The following LRRC27 variants were observed in gnomAD, a reference collection of about 807,000 sequenced individuals.
The protein encoded by LRRC27 is leucine rich repeat containing 27, also known as leucine-rich repeat-containing protein 27.
In LRRC27, 57 loss-of-function variants were observed where a neutral mutation model predicts 55.0. The observed-to-expected ratio is 1.04, with a 90% CI of 0.84 to 1.29. The LOEUF (loss-of-function observed/expected upper bound fraction) is 1.29. LRRC27 is among the 50% of genes most tolerant of loss of function. The pLI, the probability that LRRC27 is intolerant of heterozygous loss-of-function variation, is 0.00. For synonymous variants in LRRC27, 278 were observed against 251.9 expected (o/e 1.10, Z -0.98); for missense variants, 721 against 651.5 (o/e 1.11, Z -1.16).
At chr10:132,349,966 TAAG>T (rs1434994090) in intron 6 of LRRC27, among the ~76,000 whole-genome samples, 1 of 152,166 alleles carries the variant, frequency 6.6e-6, no homozygotes, top group African/African-American at 2.4e-5. Flanking sequence ...TCACAGGTAT[TAAG>T]AAGAAGCTCT....
chr10:132,358,861 G>A (rs1245703215), intron 8 of LRRC27, among the ~76,000 whole-genome samples: 1 of 1,028 alleles, frequency 9.7e-4, no homozygotes, highest in African/African-American at 2.9e-3. Context: ...GGGAGGAGCC[G>A]AGGTGGTGGA....
intron 9 of LRRC27, among the ~76,000 whole-genome samples, chr10:132,364,253 CTGAG>C (rs371099455): frequency 2.0e-4 from 30 of 151,656 alleles, no homozygotes; most frequent in South Asian, 1.2e-3. Flanking sequence ...TTCGGAGAGG[CTGAG>C]TGAGACTGTG....
chr10:132,344,806 C>T (rs550567786), intron 5 of LRRC27, 156 bp downstream of exon 5: 63 of 659,744 alleles, frequency 9.5e-5, no homozygotes, highest in South Asian at 6.8e-4. Flanking sequence ...GATCTCAGGC[C>T]GACCCAGTCA....
At chr10:132,351,863 C>G (rs1318386108) in intron 7 of LRRC27, 110 bp downstream of exon 7, 2 of 1,232,504 alleles carry the variant, frequency 1.6e-6, no homozygotes, top group South Asian at 1.5e-5. Flanking sequence ...TAGTTCTCCC[C>G]TCACTGATGC....
chr10:132,332,784 T>C (rs893575274), intron 1 of LRRC27, among the ~76,000 whole-genome samples: 3 of 152,134 alleles, frequency 2.0e-5, no homozygotes, highest in African/African-American at 7.2e-5. Context: ...GCGCCTCATA[T>C]GCCAATCATT....
chr10:132,374,728 C>T lies in LRRC27; in HGVS notation c.1417-338C>T, dbSNP rs562280378. 2.0e-4 allele frequency among the ~76,000 whole-genome samples: 30 copies of T among 152,294 alleles called. No homozygotes were observed. In the South Asian group the frequency reaches 6.2e-3, roughly 32 times the overall value. On this transcript the variant is annotated intron_variant, in intron 10 of 10. Coordinates refer to ENST00000368614, the MANE Select transcript of LRRC27 (RefSeq NM_030626.3). The surrounding 1 kb of genome is among the most constrained non-coding windows in gnomAD (Gnocchi z 4.4). ...ATCAGCCTTCCCTTTGCCCACAGGA[C>T]GATGCCCTGAGTCTCTGTTCATCCA...
intron 3 of LRRC27, among the ~76,000 whole-genome samples, chr10:132,338,265 G>T (rs1184292790): frequency 3.9e-5 from 6 of 152,110 alleles, no homozygotes; most frequent in Admixed American, 3.9e-4. Flanking sequence ...GCAGTGAGCT[G>T]AGATCACACC....
upstream of LRRC27, chr10:132,332,138 C>G (rs2066799055): frequency 5.7e-6 from 1 of 176,520 alleles, no homozygotes; most frequent in Non-Finnish European, 1.2e-5. Context: ...AGCGTGGCGC[C>G]TGCGGGATTC....
intron 8 of LRRC27, among the ~76,000 whole-genome samples, chr10:132,357,480 G>A (rs138089303): frequency 8.5e-5 from 13 of 152,340 alleles, no homozygotes; most frequent in Admixed American, 5.2e-4. Context: ...CTCTGTGGCC[G>A]ACAGAAGGGT....
intron 3 of LRRC27, among the ~76,000 whole-genome samples, chr10:132,338,014 T>G (rs2067215639): frequency 6.6e-6 from 1 of 152,206 alleles, no homozygotes; most frequent in African/African-American, 2.4e-5. Context: ...ATACCTCTGA[T>G]GAGTTAAACC....
At position 132,364,569 on chromosome 10, in the gene LRRC27, G is replaced by GCTTACATCTACC. The variant is rs1564854110; in HGVS notation, c.1290-855_1290-854insCTTACATCTACC. On this transcript the variant is annotated intron_variant, in intron 9 of 10. Transcript: ENST00000368614. The stretch of plus-strand genomic sequence containing the variant: ...CCTCCACACCCACACTTACACCCAC[G>GCTTACATCTACC]TCCACACCCTGGGGCCCCACACTCA... Among the ~76,000 whole-genome samples the GCTTACATCTACC allele has an allele frequency of 2.3e-3, 14 of 6,006 alleles. 2 individuals are homozygous for GCTTACATCTACC. Among genetic ancestry groups the GCTTACATCTACC allele is most frequent in the Non-Finnish European group, 2.9e-3 (8 of 2,770 alleles). The allele number at this position is 6,006 out of a possible 152,430, so 3.9% of individuals were successfully genotyped here.
At chr10:132,364,517 T>TCACACCCACCCACACTTACACCCA (rs1564853878) in intron 9 of LRRC27, among the ~76,000 whole-genome samples, 3 of 8,178 alleles carry the variant, frequency 3.7e-4, no homozygotes, top group Admixed American at 1.7e-3. Flanking sequence ...ACCTCCACAC[T>TCACACCCACCCACACTTACACCCA]CGCACTTACA....
In LRRC27 at chr10:132,338,715, T is replaced by A. The variant is rs555807961; in HGVS notation, c.341+1020T>A. The stretch of plus-strand genomic sequence containing the variant: ...TCTTTTTCTTTTCTTTCTTTCTTTT[T>A]TTTTTTTTTTTTGAGACGGAATCTT... On this transcript the variant is annotated intron_variant, in intron 3 of 10. Transcript: ENST00000368614. Among the ~76,000 whole-genome samples, 874 of 150,148 alleles carry A rather than the reference T, an allele frequency of 5.8e-3. 8 individuals carry two copies. Among genetic ancestry groups the A allele is most frequent in the African/African-American group, 0.02 (828 of 41,000 alleles).
chr10:132,354,965 C>T (rs570124946), intron 7 of LRRC27, among the ~76,000 whole-genome samples: 5 of 152,326 alleles, frequency 3.3e-5, no homozygotes, highest in South Asian at 4.1e-4. Flanking sequence ...CCCGCCCAGC[C>T]GCAGATGTGG....
At chr10:132,354,805 A>G (rs1354272291) in intron 7 of LRRC27, among the ~76,000 whole-genome samples, 1 of 152,094 alleles carries the variant, frequency 6.6e-6, no homozygotes, top group Non-Finnish European at 1.5e-5. Context: ...TGGGAGAAAC[A>G]AGAGGAGGCC....
At chr10:132,364,729 C>CGCTT (rs1564854744) in intron 9 of LRRC27, among the ~76,000 whole-genome samples, 7 of 105,804 alleles carry the variant, frequency 6.6e-5, no homozygotes, top group African/African-American at 1.6e-4. Flanking sequence ...TCCGCGTCCA[C>CGCTT]ACTTACATCT....
chr10:132,367,405 C>T (rs749097190), intron 10 of LRRC27, among the ~76,000 whole-genome samples: 3 of 152,134 alleles, frequency 2.0e-5, no homozygotes, highest in Non-Finnish European at 4.4e-5. Context: ...TTCTCTGAGG[C>T]CAGCATTACT....
At chr10:132,341,199 G>A (rs2067396678) in intron 3 of LRRC27, among the ~76,000 whole-genome samples, 1 of 151,948 alleles carries the variant, frequency 6.6e-6, no homozygotes, top group Non-Finnish European at 1.5e-5. Context: ...CAGGCGTGGT[G>A]GCACACACCA....
At chr10:132,352,961 C>T (rs756273309) in intron 7 of LRRC27, 1 of 1,613,846 alleles carries the variant, frequency 6.2e-7, no homozygotes, top group Non-Finnish European at 8.5e-7. Context: ...GTTGCTGTGA[C>T]TGCCGCCAGT....
Sources: gnomAD v4.1 joint callset for allele counts (sites outside exome capture counted in the v4.1 genomes callset) on GRCh38, gnomAD v4.1.1 for gene constraint, Gnocchi (gnomAD v3.1) non-coding constraint, MANE v1.5 for transcripts, NCBI Gene and HGNC (gene_info 2026-07-23, HGNC 2026-07-21) for gene names.